The following MAST4 variants were observed in gnomAD, a reference collection of about 807,000 sequenced individuals.
The protein encoded by MAST4 is microtubule associated serine/threonine kinase family member 4.
MAST4 carries 89 observed loss-of-function variants against 162.7 expected under a neutral mutation model. That is an observed-to-expected ratio of 0.55 (90% confidence interval 0.46 to 0.65). The LOEUF (loss-of-function observed/expected upper bound fraction) is 0.65, where lower values mean the gene tolerates loss of function less well. Ranked by LOEUF, MAST4 falls within the 30% of genes least tolerant of loss-of-function variation. MAST4 has a pLI of 0.00. For synonymous variants in MAST4, 1,479 were observed against 1,361.1 expected (o/e 1.09, Z -1.91); for missense variants, 3,153 against 3,374.0 (o/e 0.93, Z 1.62).
intron 4 of MAST4, among the ~76,000 whole-genome samples, chr5:67,041,544 A>G (rs776107325): frequency 6.6e-6 from 1 of 152,206 alleles, no homozygotes; most frequent in Non-Finnish European, 1.5e-5. Context: ...CAAGATTTAT[A>G]AAGCACTTGC....
chr5:67,030,789 A>G (rs1048724477), intron 4 of MAST4, among the ~76,000 whole-genome samples: 1 of 152,132 alleles, frequency 6.6e-6, no homozygotes, highest in Non-Finnish European at 1.5e-5. Context: ...TACAACGTCT[A>G]CTTTTATAAA....
At chr5:66,881,872 A>G (rs933270033) in intron 3 of MAST4, among the ~76,000 whole-genome samples, 1 of 152,222 alleles carries the variant, frequency 6.6e-6, no homozygotes, top group African/African-American at 2.4e-5. Context: ...AAGTCAAAAC[A>G]TAACCAGCAA....
At chr5:67,055,452 A>G (rs867224917) in intron 5 of MAST4, among the ~76,000 whole-genome samples, 18 of 152,246 alleles carry the variant, frequency 1.2e-4, no homozygotes, top group African/African-American at 4.1e-4. Context: ...CAGGGCTACC[A>G]CTCTCACCCA....
At chr5:67,058,350 G>C (rs1206087293) in intron 5 of MAST4, among the ~76,000 whole-genome samples, 1 of 152,114 alleles carries the variant, frequency 6.6e-6, no homozygotes, top group Admixed American at 6.5e-5. Context: ...TAACCATTTT[G>C]GTTAGTGGTT....
At chr5:66,937,387 G>T (rs1742861240) in intron 4 of MAST4, among the ~76,000 whole-genome samples, 1 of 152,168 alleles carries the variant, frequency 6.6e-6, no homozygotes. Flanking sequence ...AGACCTCAAA[G>T]TATATGGCAC....
At chr5:67,010,417 A>T (rs1412630716) in intron 4 of MAST4, among the ~76,000 whole-genome samples, 1 of 152,144 alleles carries the variant, frequency 6.6e-6, no homozygotes, top group Non-Finnish European at 1.5e-5. Flanking sequence ...GATGAGAAAG[A>T]GCCATCATGG....
At chr5:66,888,802 C>A (rs1351539049) in intron 3 of MAST4, among the ~76,000 whole-genome samples, 1 of 152,186 alleles carries the variant, frequency 6.6e-6, no homozygotes, top group Non-Finnish European at 1.5e-5. Context: ...TGTGGAAATG[C>A]AAGTGAACTG....
intron 4 of MAST4, among the ~76,000 whole-genome samples, chr5:66,946,828 G>A (rs1014242480): frequency 6.6e-6 from 1 of 152,024 alleles, no homozygotes; most frequent in Non-Finnish European, 1.5e-5. Context: ...ATTACGAGTC[G>A]GGAATGCATA....
chr5:66,928,587 T>A (rs921990672), intron 4 of MAST4, among the ~76,000 whole-genome samples: 2 of 152,168 alleles, frequency 1.3e-5, no homozygotes, highest in African/African-American at 2.4e-5. Flanking sequence ...ACCTGTTAAA[T>A]TGGCCTTTGT....
Position 66,847,843 on chromosome 5 carries a change from A to AAAAAAT in MAST4, c.643-52108_643-52107insAAAAAT, listed in dbSNP as rs1491394087. The stretch of plus-strand genomic sequence containing the variant: ...CTCAAAAAAAAAAAAAAAAAAAAAA[A>AAAAAAT]GAAAAACCTTAACAGTAGCTCAAAG... On this transcript the variant is annotated intron_variant, in intron 3 of 28. Transcript: ENST00000403625. Among the ~76,000 whole-genome samples the AAAAAAT allele has an allele frequency of 1.1e-3, 162 of 150,306 alleles. 3 individuals are homozygous for AAAAAAT. Among genetic ancestry groups the AAAAAAT allele is most frequent in the Non-Finnish European group, 1.9e-3 (131 of 67,522 alleles).
At chr5:67,049,026 T>C (rs1173387590) in intron 4 of MAST4, among the ~76,000 whole-genome samples, 2 of 70,354 alleles carry the variant, frequency 2.8e-5, no homozygotes, top group African/African-American at 1.4e-4. Flanking sequence ...TATATACGTA[T>C]ATATATATAT....
intron 1 of MAST4, among the ~76,000 whole-genome samples, chr5:66,702,947 A>C (rs1372197272): frequency 6.6e-6 from 1 of 152,186 alleles, no homozygotes; most frequent in East Asian, 1.9e-4. Context: ...ATGCCCTTGT[A>C]GGAGTTCAGA....
At chr5:66,644,530 C>T (rs866731084) in intron 1 of MAST4, among the ~76,000 whole-genome samples, 44 of 152,168 alleles carry the variant, frequency 2.9e-4, no homozygotes, top group African/African-American at 9.7e-4. Flanking sequence ...AGACAGGTAC[C>T]TACACCTTGT....
intron 4 of MAST4, among the ~76,000 whole-genome samples, chr5:66,945,607 G>A (rs766317165): frequency 1.0e-3 from 155 of 152,216 alleles, no homozygotes; most frequent in African/African-American, 3.1e-3. Context: ...AGCGCATGCC[G>A]TGCCCTTAGC....
intron 3 of MAST4, among the ~76,000 whole-genome samples, chr5:66,888,129 T>C (rs1762157314): frequency 6.6e-6 from 1 of 152,240 alleles, no homozygotes; most frequent in East Asian, 1.9e-4. Flanking sequence ...TCTTTACTTA[T>C]TAAGTGATAT....
At chr5:66,655,104 A>C in intron 1 of MAST4, among the ~76,000 whole-genome samples, 1 of 152,158 alleles carries the variant, frequency 6.6e-6, no homozygotes, top group Admixed American at 6.5e-5. Context: ...CAACATTGTG[A>C]AGTAGGCACT....
intron 1 of MAST4, among the ~76,000 whole-genome samples, chr5:66,699,613 T>G (rs770068873): frequency 6.6e-6 from 1 of 151,940 alleles, no homozygotes; most frequent in Non-Finnish European, 1.5e-5. Flanking sequence ...CTTTGTAGAG[T>G]CATGGATGAA....
At chr5:66,611,534 A>T (rs749218706) in intron 1 of MAST4, among the ~76,000 whole-genome samples, 1 of 152,240 alleles carries the variant, frequency 6.6e-6, no homozygotes, top group Admixed American at 6.5e-5. Flanking sequence ...AGTAGTCTAT[A>T]GTCAAGTTCT....
rs759746078 is a variant in MAST4, at chr5:67,165,722, G to T, written c.6543G>T (p.Lys2181Asn). The change falls in exon 29 of 29, where the codon AAG becomes AAT. Residue 2181 changes from lysine to asparagine, a missense_variant. This residue lies in a region of MAST4 where 1,644 missense variants were observed against 1,495.0 expected (regional missense o/e 1.10). Transcript: ENST00000403625. Reference protein sequence around the residue: ...EPSSSPQDPPKPVAAHSESSS... With the variant: ...EPSSSPQDPPNPVAAHSESSS... Reference sequence around the variant, plus strand: ...GCTCGAGCCCCCAGGACCCTCCCAAGCCTGTTGCTGCGCACAGTGAAAGCA... The same window carrying T: ...GCTCGAGCCCCCAGGACCCTCCCAATCCTGTTGCTGCGCACAGTGAAAGCA... 2.9e-5 allele frequency: 45 copies of T among 1,575,960 alleles called. No homozygotes were observed. Among genetic ancestry groups the T allele is most frequent in the African/African-American group, 4.1e-5 (3 of 73,774 alleles).
Sources: gnomAD v4.1 joint callset for allele counts (sites outside exome capture counted in the v4.1 genomes callset) on GRCh38, gnomAD v4.1.1 for gene constraint, gnomAD v4.1.1 regional missense constraint, MANE v1.5 for transcripts, NCBI Gene and HGNC (gene_info 2026-07-23, HGNC 2026-07-21) for gene names.